SDK1: variants seen among roughly 807,000 people sequenced by gnomAD.
SDK1 encodes the protein protein sidekick-1.
Under a neutral mutation model 245.5 loss-of-function variants are expected in SDK1, and 157 were observed. The ratio of observed to expected loss-of-function variants is 0.64; its 90% CI spans 0.56 to 0.73. SDK1 has a LOEUF of 0.73. SDK1 is among the 30% of genes least tolerant of loss of function. The pLI is 0.00. For missense variants in SDK1, 3,583 were observed against 3,002.3 expected (o/e 1.19, Z -4.52); for synonymous variants, 1,647 against 1,278.5 (o/e 1.29, Z -6.15).
At chr7:3,579,512 G>C (rs941396454) in intron 1 of SDK1, among the ~76,000 whole-genome samples, 3 of 152,202 alleles carry the variant, frequency 2.0e-5, no homozygotes, top group African/African-American at 7.2e-5. Flanking sequence ...ACTACGTGTT[G>C]AAGGAAAACC....
chr7:3,462,571 T>C (rs909072825), intron 1 of SDK1, among the ~76,000 whole-genome samples: 7 of 152,336 alleles, frequency 4.6e-5, no homozygotes, highest in South Asian at 2.1e-4. Flanking sequence ...TTTCTACTTA[T>C]ATCTTTCTAA....
At chr7:4,205,467 C>T (rs1402016954) in intron 35 of SDK1, among the ~76,000 whole-genome samples, 2 of 152,170 alleles carry the variant, frequency 1.3e-5, no homozygotes, top group African/African-American at 4.8e-5. Flanking sequence ...GCTTTGATCT[C>T]ACAGCAACCA....
At chr7:3,519,628 GAGA>G (rs1232075241) in intron 1 of SDK1, among the ~76,000 whole-genome samples, 1 of 152,126 alleles carries the variant, frequency 6.6e-6, no homozygotes, top group Non-Finnish European at 1.5e-5. Flanking sequence ...AATTGAGGCA[GAGA>G]AGATTAAGTG....
rs189647047 is a variant in SDK1 at position 3,350,003 on chromosome 7, G to A, written c.298+48119G>A. On this transcript the variant is annotated intron_variant, in intron 1 of 44. Coordinates refer to ENST00000404826, the MANE Select transcript of SDK1 (RefSeq NM_152744.4). ...CTTGATGAAGTAGCAGGTAGAGGATGAAGTTTGGGGACTTTGTGCCTCTCA... is the reference window on the plus strand; with the variant it reads ...CTTGATGAAGTAGCAGGTAGAGGATAAAGTTTGGGGACTTTGTGCCTCTCA... Among the ~76,000 whole-genome samples, 8 of 152,330 alleles carry A rather than the reference G, an allele frequency of 5.3e-5. No individual in the cohort carries two copies. In the East Asian group the frequency reaches 1.5e-3, roughly 29 times the overall value.
At chr7:4,126,876 G>T (rs1004876917) in intron 25 of SDK1, among the ~76,000 whole-genome samples, 1 of 152,192 alleles carries the variant, frequency 6.6e-6, no homozygotes, top group Non-Finnish European at 1.5e-5. Context: ...ATCATTGTGG[G>T]ATTAGATGCA....
At chr7:3,662,508 AGAAGGCAGT>A (rs1303316593) in intron 4 of SDK1, among the ~76,000 whole-genome samples, 1 of 152,196 alleles carries the variant, frequency 6.6e-6, no homozygotes, top group African/African-American at 2.4e-5. Flanking sequence ...AGCAAGGCAG[AGAAGGCAGT>A]GAGGACCCAG....
Position 3,907,719 on chromosome 7 carries a change from C to T in SDK1, c.848-43204C>T, listed in dbSNP as rs74328329. On this transcript the variant is annotated intron_variant, in intron 5 of 44. Transcript: ENST00000404826. Reference sequence around the variant, plus strand: ...GAAATAAATCACAAAGGTGTAGCACCGCAACAGCAGAGGTGGTGAGGGTCT... The same window carrying T: ...GAAATAAATCACAAAGGTGTAGCACTGCAACAGCAGAGGTGGTGAGGGTCT... Among the ~76,000 whole-genome samples, 674 of 152,266 alleles carry T rather than the reference C, an allele frequency of 4.4e-3. 6 individuals are homozygous for T. The highest frequency in any genetic ancestry group is 0.016 in the African/African-American group (651 of 41,536).
intron 4 of SDK1, among the ~76,000 whole-genome samples, chr7:3,645,933 A>C (rs925500170): frequency 6.6e-6 from 1 of 151,886 alleles, no homozygotes; most frequent in Admixed American, 6.6e-5. Flanking sequence ...ATCTAGGCTC[A>C]CTGCAACCTC....
rs145040681 is a variant in SDK1, at chr7:3,658,582, C to T, written c.713+16477C>T. 4.8e-3 allele frequency among the ~76,000 whole-genome samples: 722 copies of T among 149,784 alleles called. 12 individuals are homozygous for T. Among genetic ancestry groups the T allele is most frequent in the African/African-American group, 0.016 (657 of 40,858 alleles). On this transcript the variant is annotated intron_variant, in intron 4 of 44. Coordinates refer to ENST00000404826, the MANE Select transcript of SDK1 (RefSeq NM_152744.4). ...TTCAGTGGTTTTTAGTATATTCACA[C>T]GGTAGTAGAGCTGTCACTACTATCT...
At chr7:3,413,802 T>C (rs536336817) in intron 1 of SDK1, among the ~76,000 whole-genome samples, 1 of 152,212 alleles carries the variant, frequency 6.6e-6, no homozygotes, top group African/African-American at 2.4e-5. Flanking sequence ...GCCTTGGCAA[T>C]GTAGCAAGAT....
intron 5 of SDK1, among the ~76,000 whole-genome samples, chr7:3,935,906 G>A (rs569438458): frequency 6.6e-6 from 1 of 152,298 alleles, no homozygotes; most frequent in Non-Finnish European, 1.5e-5. Flanking sequence ...ACCCAAAAGA[G>A]CTGAAAGCAG....
At chr7:3,777,420 C>T (rs544332696) in intron 4 of SDK1, among the ~76,000 whole-genome samples, 141 of 152,304 alleles carry the variant, frequency 9.3e-4, no homozygotes, top group Non-Finnish European at 1.6e-3. Flanking sequence ...CTTGTGAGAT[C>T]GTCAGGGCCG....
intron 1 of SDK1, among the ~76,000 whole-genome samples, chr7:3,504,180 A>ATGTGTGTGTGTGTGCG (rs1338465819): frequency 1.1e-5 from 1 of 89,438 alleles, no homozygotes; most frequent in Non-Finnish European, 2.2e-5. Context: ...ATATATATAT[A>ATGTGTGTGTGTGTGCG]TATGTGTGTG....
At chr7:4,176,580 A>C (rs1584374658) in intron 34 of SDK1, among the ~76,000 whole-genome samples, 1 of 152,186 alleles carries the variant, frequency 6.6e-6, no homozygotes, top group Non-Finnish European at 1.5e-5. Context: ...TGCAGCCGTC[A>C]CCATCATTCT....
At chr7:4,229,306 G>GA (rs1342824569) in intron 40 of SDK1, among the ~76,000 whole-genome samples, 15 of 152,240 alleles carry the variant, frequency 9.9e-5, no homozygotes, top group Middle Eastern at 6.8e-3. Flanking sequence ...AGCTAGAGTG[G>GA]AAAATATGCT....
intron 5 of SDK1, among the ~76,000 whole-genome samples, chr7:3,850,321 A>G (rs1780388005): frequency 6.6e-6 from 1 of 152,222 alleles, no homozygotes; most frequent in Non-Finnish European, 1.5e-5. Flanking sequence ...TATGGAAAGC[A>G]TGTGTAACGT....
intron 1 of SDK1, among the ~76,000 whole-genome samples, chr7:3,392,822 C>T (rs1293467888): frequency 1.3e-5 from 2 of 151,932 alleles, no homozygotes; most frequent in East Asian, 1.9e-4. Flanking sequence ...TAATAATATT[C>T]CAGTGTATGC....
chr7:3,895,666 A>C (rs1159361433), intron 5 of SDK1, among the ~76,000 whole-genome samples: 3 of 152,172 alleles, frequency 2.0e-5, no homozygotes, highest in African/African-American at 7.2e-5. Context: ...AGTTGCGTAA[A>C]GTGGATACTT....
chr7:3,489,991 T>G (rs992715910), intron 1 of SDK1, among the ~76,000 whole-genome samples: 9 of 152,204 alleles, frequency 5.9e-5, no homozygotes, highest in Admixed American at 2.6e-4. Flanking sequence ...TTTTTTCCCC[T>G]CGTGCTTACT....
Sources: allele counts gnomAD v4.1 joint callset (sites outside exome capture counted in the v4.1 genomes callset), GRCh38; gene constraint gnomAD v4.1.1; transcripts MANE v1.5; gene names NCBI Gene and HGNC (gene_info 2026-07-23, HGNC 2026-07-21).